The following HSPA4 variants were observed in gnomAD, a reference collection of about 807,000 sequenced individuals.
HSPA4 encodes the protein heat shock 70 kDa protein 4.
A neutral mutation model predicts 106.2 loss-of-function variants in HSPA4; 25 were observed. The ratio of observed to expected loss-of-function variants is 0.24; its 90% CI spans 0.17 to 0.33. HSPA4 has a LOEUF of 0.33. HSPA4 is among the 10% of genes least tolerant of loss of function. The probability of loss-of-function intolerance (pLI) is 1.00; values close to 1 mark genes in which losing one functional copy is unlikely to be tolerated. For missense variants in HSPA4, 841 were observed against 996.0 expected (o/e 0.84, Z 2.10); for synonymous variants, 332 against 333.6 (o/e 1.00, Z 0.05).
intron 7 of HSPA4, among the ~76,000 whole-genome samples, chr5:133,080,052 C>G (rs1408733207): frequency 6.6e-6 from 1 of 151,976 alleles, no homozygotes; most frequent in Non-Finnish European, 1.5e-5. Flanking sequence ...AGTGTGACAG[C>G]ATAGTTTTTA....
At chr5:133,072,389 G>GTTTTTTT (rs1561579032) in intron 4 of HSPA4, among the ~76,000 whole-genome samples, 3 of 103,214 alleles carry the variant, frequency 2.9e-5, no homozygotes, top group Non-Finnish European at 6.3e-5. Context: ...CTGGTCCAGG[G>GTTTTTTT]TTGTTTTTTT....
intron 1 of HSPA4, among the ~76,000 whole-genome samples, chr5:133,062,002 C>G (rs1183972406): frequency 6.6e-6 from 1 of 152,078 alleles, no homozygotes; most frequent in African/African-American, 2.4e-5. Context: ...GGTGGAATTT[C>G]TAGAGAATAC....
At chr5:133,067,699 T>A in intron 3 of HSPA4, 142 bp downstream of exon 3, 1 of 699,940 alleles carries the variant, frequency 1.4e-6, no homozygotes, top group Non-Finnish European at 2.3e-6. Flanking sequence ...TAGTAAAGAC[T>A]ATTTGACAAT....
chr5:133,056,140 A>AT (rs1436222345), intron 1 of HSPA4, among the ~76,000 whole-genome samples: 1 of 152,076 alleles, frequency 6.6e-6, no homozygotes, highest in Non-Finnish European at 1.5e-5. Context: ...GATGAGTAGG[A>AT]TTTTACCTTG....
At chr5:133,074,763 G>T (rs1169029732) in intron 6 of HSPA4, among the ~76,000 whole-genome samples, 2 of 152,174 alleles carry the variant, frequency 1.3e-5, no homozygotes. Flanking sequence ...AAGCAGTTTT[G>T]TACACACAGA....
chr5:133,064,295 C>T (rs1308973664), intron 1 of HSPA4, among the ~76,000 whole-genome samples: 1 of 152,148 alleles, frequency 6.6e-6, no homozygotes, highest in Non-Finnish European at 1.5e-5. Flanking sequence ...CATCTGAGGT[C>T]AGGAGTTCGA....
intron 11 of HSPA4, among the ~76,000 whole-genome samples, chr5:133,090,163 G>A (rs996888158): frequency 1.8e-4 from 28 of 151,958 alleles, no homozygotes; most frequent in African/African-American, 6.5e-4. Context: ...AGCCAGGTGC[G>A]GTGGCTCACG....
intron 7 of HSPA4, among the ~76,000 whole-genome samples, chr5:133,084,698 G>A (rs552081515): frequency 6.6e-6 from 1 of 151,874 alleles, no homozygotes; most frequent in African/African-American, 2.4e-5. Flanking sequence ...TCAAACTCCC[G>A]ACTTGAGGTG....
At chr5:133,066,955 A>G (rs563546697) in intron 2 of HSPA4, among the ~76,000 whole-genome samples, 25 of 152,150 alleles carry the variant, frequency 1.6e-4, no homozygotes, top group African/African-American at 5.8e-4. Flanking sequence ...ACCTCAAATG[A>G]GGCCCTGGCT....
At position 133,076,639 on chromosome 5, in the gene HSPA4, CA is replaced by C; in HGVS notation, c.664-14del. On this transcript the variant is annotated splice_polypyrimidine_tract_variant and intron_variant, in intron 6 of 18. Transcript: ENST00000304858. The stretch of plus-strand genomic sequence containing the variant: ...ATTGGTTAATTGTTAGATTAATTCT[CA>C]TTTTTTCCTTAAGGTTCTGGCCACT... 1 of 1,604,962 alleles carries C rather than the reference CA, an allele frequency of 6.2e-7. No homozygotes were observed. The highest frequency in any genetic ancestry group is 2.2e-5 in the East Asian group (1 of 44,658).
chr5:133,080,417 CAAAAAAA>C (rs33998797), intron 7 of HSPA4, among the ~76,000 whole-genome samples: 6 of 68,142 alleles, frequency 8.8e-5, no homozygotes, highest in South Asian at 5.6e-4. Flanking sequence ...GACCCTGTCT[CAAAAAAA>C]AAAAAAAAAA....
At chr5:133,072,443 A>C in intron 4 of HSPA4, among the ~76,000 whole-genome samples, 1 of 114,104 alleles carries the variant, frequency 8.8e-6, no homozygotes, top group Admixed American at 1.3e-4. Flanking sequence ...CTTGTTTCCC[A>C]GCTGGGAGTG....
rs1362434205 is a variant in HSPA4, at chr5:133,086,684, CT to C, written c.909-96del. 4 of 819,292 alleles carry C rather than the reference CT, an allele frequency of 4.9e-6. No homozygotes were observed. In the Admixed American group the frequency reaches 6.0e-5, roughly 12 times the overall value. 50.8% of individuals were successfully genotyped at this position (819,292 alleles called of 1,614,324 possible). ...CCACTGTCTCCACATTTTGCCAGCA[CT>C]TGTTGTTACCTGTTTTTTATTATAG... On this transcript the variant is annotated intron_variant, in intron 7 of 18. Coordinates refer to ENST00000304858, the MANE Select transcript of HSPA4 (RefSeq NM_002154.4).
chr5:133,092,908 C>T, intron 13 of HSPA4, 119 bp downstream of exon 13: 4 of 606,668 alleles, frequency 6.6e-6, no homozygotes, highest in Admixed American at 3.2e-5. Flanking sequence ...GCATCCTCCA[C>T]CTCCTGGGTT....
chr5:133,072,392 G>GTTTTTTTTTTTTT (rs748459297), intron 4 of HSPA4, among the ~76,000 whole-genome samples: 20 of 75,730 alleles, frequency 2.6e-4, no homozygotes, highest in African/African-American at 9.0e-4. Flanking sequence ...GTCCAGGGTT[G>GTTTTTTTTTTTTT]TTTTTTTTTT....
chr5:133,063,254 A>G (rs937027088), intron 1 of HSPA4, among the ~76,000 whole-genome samples: 6 of 151,550 alleles, frequency 4.0e-5, no homozygotes, highest in Non-Finnish European at 7.4e-5. Flanking sequence ...CTGGGATTAC[A>G]GGTGCTCACC....
chr5:133,104,172 G>A, intron 18 of HSPA4, 61 bp from the exon 19 acceptor site: 1 of 1,554,210 alleles, frequency 6.4e-7, no homozygotes, highest in Non-Finnish European at 8.8e-7. Flanking sequence ...TTTGGGTTTA[G>A]CATGGCTTGT....
intron 2 of HSPA4, among the ~76,000 whole-genome samples, chr5:133,067,108 T>C (rs1223320470): frequency 6.6e-6 from 1 of 152,206 alleles, no homozygotes; most frequent in Non-Finnish European, 1.5e-5. Context: ...CTAAAAGTTA[T>C]TTTATGTAAA....
intron 1 of HSPA4, among the ~76,000 whole-genome samples, chr5:133,056,513 C>T (rs941408341): frequency 2.0e-5 from 3 of 152,190 alleles, no homozygotes; most frequent in Admixed American, 6.5e-5. Context: ...TCAAGTGATC[C>T]GCCCGCCTTG....
Sources: gnomAD v4.1 joint callset for allele counts (sites outside exome capture counted in the v4.1 genomes callset) on GRCh38, gnomAD v4.1.1 for gene constraint, MANE v1.5 for transcripts, NCBI Gene and HGNC (gene_info 2026-07-23, HGNC 2026-07-21) for gene names.